Variants in DNASE1 observed in about 807,000 individuals in gnomAD.
The protein encoded by DNASE1 is deoxyribonuclease 1.
Under a neutral mutation model 33.9 loss-of-function variants are expected in DNASE1, and 40 were observed. That is an observed-to-expected ratio of 1.18 (90% CI 0.92 to 1.54). DNASE1 has a LOEUF of 1.54. Ranked by LOEUF, DNASE1 falls within the 40% of genes most tolerant of loss-of-function variation. The pLI is 0.00. For missense variants in DNASE1, 518 were observed against 372.6 expected (o/e 1.39, Z -3.21); for synonymous variants, 216 against 160.0 (o/e 1.35, Z -2.64).
intron 1 of DNASE1, among the ~76,000 whole-genome samples, chr16:3,625,064 T>C (rs2041462614): frequency 6.6e-6 from 1 of 152,114 alleles, no homozygotes; most frequent in South Asian, 2.1e-4. Context: ...CCCAGCACTT[T>C]GGGAGGCCTA....
exon 10 of DNASE1, chr16:3,663,551 G>C: frequency 1.9e-6 from 3 of 1,613,938 alleles, no homozygotes; most frequent in Non-Finnish European, 1.7e-6. Context: ...ACTGCTCAAA[G>C]CAGAAGAGAA....
chr16:3,662,072 G>A (rs781709401), downstream of DNASE1: 42 of 1,613,202 alleles, frequency 2.6e-5, no homozygotes, highest in Admixed American at 2.7e-4. Flanking sequence ...AGGAAGTGGC[G>A]GGCAGCCCCC....
At chr16:3,643,046 A>G (rs1306327270) in intron 1 of DNASE1, 1 of 152,340 alleles carries the variant, frequency 6.6e-6, no homozygotes, top group African/African-American at 2.4e-5. Context: ...GGTGAGCCCC[A>G]CTTCCTGCTC....
At chr16:3,625,725 A>G (rs1291669412) in intron 1 of DNASE1, among the ~76,000 whole-genome samples, 1 of 152,248 alleles carries the variant, frequency 6.6e-6, no homozygotes, top group Non-Finnish European at 1.5e-5. Flanking sequence ...AAATTCTTAA[A>G]CAGGGACACA....
chr16:3,649,998 TTAAA>T (rs1401628201), upstream of DNASE1, among the ~76,000 whole-genome samples: 1 of 152,248 alleles, frequency 6.6e-6, no homozygotes, highest in Admixed American at 6.5e-5. Context: ...CAAGTCATCC[TTAAA>T]TAAAATGACC....
Position 3,655,495 on chromosome 16 carries a change from C to G in DNASE1, c.122C>G (p.Ala41Gly). 6.2e-7 allele frequency: 1 copy of G among 1,614,160 alleles called. No individual in the cohort carries two copies. The highest frequency in any genetic ancestry group is 8.5e-7 in the Non-Finnish European group (1 of 1,180,028). ...QTFGETKMSN[A>G]TLVSYIVQIL... ...TTTGGGGAGACCAAGATGTCCAATGCCACCCTCGTCAGCTACATTGTGCAG... is the reference window on the plus strand; with the variant it reads ...TTTGGGGAGACCAAGATGTCCAATGGCACCCTCGTCAGCTACATTGTGCAG... The change falls in exon 2 of 9, where the codon GCC (alanine) becomes GGC (glycine). Residue 41 changes from alanine (A) to glycine (G), a missense_variant. Physicochemically the swap from Ala to Gly is moderately conservative, Grantham distance 60. Transcript: ENST00000246949.
chr16:3,613,015 A>G (rs112345699), intron 1 of DNASE1, among the ~76,000 whole-genome samples: 1 of 152,160 alleles, frequency 6.6e-6, no homozygotes, highest in Non-Finnish European at 1.5e-5. Context: ...TAAAATGCAC[A>G]CTAGAAGTGT....
chr16:3,634,224 T>TTTTG (rs1178831528), intron 1 of DNASE1, among the ~76,000 whole-genome samples: 14 of 151,350 alleles, frequency 9.3e-5, no homozygotes, highest in East Asian at 7.9e-4. Flanking sequence ...GACAGGGTTT[T>TTTTG]TTTGTTTGTT....
chr16:3,662,971 C>T (rs771331013), downstream of DNASE1: 18 of 1,605,852 alleles, frequency 1.1e-5, no homozygotes, highest in East Asian at 2.2e-5. Context: ...TCGGCGGCTG[C>T]GGAAGAGCAG....
chr16:3,656,547 G>A (rs1163553553), intron 4 of DNASE1, 91 bp from the exon 5 acceptor site: 3 of 1,090,134 alleles, frequency 2.8e-6, no homozygotes, highest in Non-Finnish European at 4.1e-6. Flanking sequence ...CCGCCCTCCT[G>A]TCGCCTGGGA....
chr16:3,642,469 G>T (rs999853110), upstream of DNASE1, among the ~76,000 whole-genome samples: 15 of 152,296 alleles, frequency 9.8e-5, 1 homozygote, highest in African/African-American at 3.6e-4. Flanking sequence ...CAGCCGGAGA[G>T]AGTGGAGCTC....
At chr16:3,650,436 G>A (rs1044342292), upstream of DNASE1, among the ~76,000 whole-genome samples, 1 of 152,054 alleles carries the variant, frequency 6.6e-6, no homozygotes, top group East Asian at 1.9e-4. Flanking sequence ...CAGGATATAC[G>A]CTGATCTTTT....
upstream of DNASE1, chr16:3,654,132 CAAAA>C (rs1555458767): frequency 5.4e-6 from 2 of 369,188 alleles, no homozygotes; most frequent in Non-Finnish European, 9.6e-6. Flanking sequence ...AAACCCAAAA[CAAAA>C]GAACCAAGAA....
At chr16:3,649,681 A>T (rs149700919) in intron 1 of DNASE1, among the ~76,000 whole-genome samples, 10 of 152,362 alleles carry the variant, frequency 6.6e-5, no homozygotes, top group Non-Finnish European at 1.3e-4. Context: ...TTATTTTAAT[A>T]GTAAGCCAAA....
upstream of DNASE1, chr16:3,651,537 C>A (rs1291759281): frequency 6.6e-6 from 1 of 152,324 alleles, no homozygotes; most frequent in Non-Finnish European, 1.5e-5. Flanking sequence ...ACCCCACTCA[C>A]TCCCCTGATG....
chr16:3,658,930 T>A (rs1286784152), downstream of DNASE1: 5 of 1,544,498 alleles, frequency 3.2e-6, no homozygotes, highest in Non-Finnish European at 3.6e-6. Context: ...CCCTTCATGT[T>A]TTGGGATTAT....
In DNASE1 at chr16:3,656,959, C is replaced by T. The variant is rs781100327; in HGVS notation, c.437-40C>T. The T allele has an allele frequency of 2.9e-5, 47 of 1,604,602 alleles. No individual in the cohort carries two copies. In the Middle Eastern group the frequency reaches 4.0e-3, roughly 136 times the overall value. On this transcript the variant is annotated intron_variant, in intron 5 of 8. Transcript: ENST00000246949. ...AGCTGACATGGTGACTGAACCTGCC[C>T]CCAGGGAGTGTGCCTCACACGACGT...
At position 3,657,357 on chromosome 16, in the gene DNASE1, C is replaced by T. The variant is rs762121233; in HGVS notation, c.704+16C>T. ...CCTATGACAGGTGAGCAGGGCCTCG[C>T]GCTTAGGGCAGACTGAGGGCACCTC... On this transcript the variant is annotated intron_variant, in intron 7 of 8. Coordinates refer to ENST00000246949, the MANE Select transcript of DNASE1 (RefSeq NM_005223.4). The T allele has an allele frequency of 1.6e-5, 25 of 1,610,682 alleles. No homozygotes were observed. The highest frequency in any genetic ancestry group is 1.6e-4 in the Middle Eastern group (1 of 6,076).
At chr16:3,661,974 A>C (rs1239954497), downstream of DNASE1, 1 of 1,593,670 alleles carries the variant, frequency 6.3e-7, no homozygotes, top group Admixed American at 1.7e-5. Context: ...AAGAGCCAGG[A>C]GCGTGGCCTC....
Sources: allele counts gnomAD v4.1 joint callset (sites outside exome capture counted in the v4.1 genomes callset), GRCh38; gene constraint gnomAD v4.1.1; transcripts MANE v1.5; gene names NCBI Gene and HGNC (gene_info 2026-07-23, HGNC 2026-07-21).